Variants in ENTREP2 observed in about 807,000 individuals in gnomAD.
The protein encoded by ENTREP2 is protein ENTREP2.
chr15:29,618,422 C>CAA, the ENTREP2 span, among the ~76,000 whole-genome samples: 21 of 80,194 alleles, frequency 2.6e-4, no homozygotes, highest in African/African-American at 6.4e-4. Context: ...GACTCTGTCT[C>CAA]AAAAAAAAAA....
the ENTREP2 span, among the ~76,000 whole-genome samples, chr15:29,621,617 A>G: frequency 5.3e-5 from 8 of 150,752 alleles, no homozygotes; most frequent in African/African-American, 1.5e-4. Flanking sequence ...AACCCAGAAA[A>G]TAAGTATTGG....
chr15:29,136,385 C>A, the ENTREP2 span: 1 of 1,511,380 alleles, frequency 6.6e-7, no homozygotes, highest in South Asian at 1.3e-5. Flanking sequence ...AGGGGGCTGG[C>A]CCACCACCGC....
At chr15:29,354,168 G>A in the ENTREP2 span, among the ~76,000 whole-genome samples, 1 of 152,160 alleles carries the variant, frequency 6.6e-6, no homozygotes, top group Admixed American at 6.5e-5. Context: ...CTCCCCTTGA[G>A]CTGGAACATC....
At chr15:29,605,753 C>G in the ENTREP2 span, among the ~76,000 whole-genome samples, 3 of 152,046 alleles carry the variant, frequency 2.0e-5, no homozygotes, top group Non-Finnish European at 2.9e-5. Flanking sequence ...AGGAGAATTG[C>G]TTGAACCTGG....
At chr15:29,602,095 G>A in the ENTREP2 span, among the ~76,000 whole-genome samples, 3 of 152,148 alleles carry the variant, frequency 2.0e-5, no homozygotes, top group South Asian at 2.1e-4. Context: ...AAATGAGTTC[G>A]TTTCATGCTT....
At chr15:29,248,130 G>A in the ENTREP2 span, among the ~76,000 whole-genome samples, 2 of 152,122 alleles carry the variant, frequency 1.3e-5, no homozygotes, top group Admixed American at 1.3e-4. Context: ...CAAATCAGCA[G>A]GGAAATACTA....
chr15:29,408,935 A>G, the ENTREP2 span, among the ~76,000 whole-genome samples: 15 of 152,224 alleles, frequency 9.9e-5, no homozygotes. Flanking sequence ...AAATACAAGG[A>G]CATTTTTCTA....
At chr15:29,137,396 C>G in the ENTREP2 span, among the ~76,000 whole-genome samples, 1 of 152,154 alleles carries the variant, frequency 6.6e-6, no homozygotes, top group Admixed American at 6.5e-5. Context: ...CGCTTTGTTG[C>G]CCACGCTGTT....
the ENTREP2 span, among the ~76,000 whole-genome samples, chr15:29,565,876 G>C: frequency 1.3e-5 from 2 of 151,756 alleles, no homozygotes; most frequent in Non-Finnish European, 2.9e-5. Context: ...CAGGAGAATG[G>C]CATGAACCCG....
At chr15:29,360,276 A>T in the ENTREP2 span, among the ~76,000 whole-genome samples, 1 of 152,084 alleles carries the variant, frequency 6.6e-6, no homozygotes, top group Non-Finnish European at 1.5e-5. Context: ...GTGACACTTC[A>T]TTTATTACTT....
the ENTREP2 span, among the ~76,000 whole-genome samples, chr15:29,367,947 CAAA>C: frequency 3.5e-5 from 2 of 56,624 alleles, no homozygotes; most frequent in Non-Finnish European, 5.3e-5. Flanking sequence ...CAGTTTTCAA[CAAA>C]AAAAAAAAAA....
chr15:29,254,019 T>C, the ENTREP2 span, among the ~76,000 whole-genome samples: 14 of 152,116 alleles, frequency 9.2e-5, no homozygotes, highest in African/African-American at 2.9e-4. Flanking sequence ...GAAGTCTGTA[T>C]GCTTAATTAG....
At chr15:29,400,955 C>T in the ENTREP2 span, among the ~76,000 whole-genome samples, 4 of 152,222 alleles carry the variant, frequency 2.6e-5, no homozygotes, top group Admixed American at 2.0e-4. Flanking sequence ...GCCATCGCCC[C>T]GGGCCTTCTG....
At chr15:29,218,223 G>A in the ENTREP2 span, among the ~76,000 whole-genome samples, 1 of 152,162 alleles carries the variant, frequency 6.6e-6, no homozygotes, top group Non-Finnish European at 1.5e-5. Context: ...GTGCTGGTTG[G>A]CCTCCTGACG....
At chr15:29,168,221 G>A in the ENTREP2 span, among the ~76,000 whole-genome samples, 1 of 152,146 alleles carries the variant, frequency 6.6e-6, no homozygotes, top group Non-Finnish European at 1.5e-5. Flanking sequence ...CAAATAGGGT[G>A]CAGTGTATAC....
the ENTREP2 span, chr15:29,570,399 C>T: frequency 1.5e-6 from 1 of 659,614 alleles, no homozygotes; most frequent in Non-Finnish European, 2.1e-6. Flanking sequence ...CCGGCGTTGG[C>T]CGCCGGAACT....
At chr15:29,473,573 G>A in the ENTREP2 span, among the ~76,000 whole-genome samples, 2 of 152,214 alleles carry the variant, frequency 1.3e-5, no homozygotes, top group African/African-American at 2.4e-5. Flanking sequence ...CCTGGGAGCG[G>A]AAGGCCACCT....
the ENTREP2 span, among the ~76,000 whole-genome samples, chr15:29,227,072 C>A: frequency 6.6e-6 from 1 of 152,204 alleles, no homozygotes; most frequent in African/African-American, 2.4e-5. Context: ...CAGCCCCGTG[C>A]TGGACACTCA....
chr15:29,283,300 G>T, the ENTREP2 span, among the ~76,000 whole-genome samples: 1 of 152,168 alleles, frequency 6.6e-6, no homozygotes, highest in African/African-American at 2.4e-5. Context: ...AGTGTAGTTT[G>T]CCAGTGCAAC....
Sources: gnomAD v4.1 joint callset for allele counts (sites outside exome capture counted in the v4.1 genomes callset) on GRCh38, gnomAD v4.1.1 for gene constraint, MANE v1.5 for transcripts, NCBI Gene and HGNC (gene_info 2026-07-23, HGNC 2026-07-21) for gene names.